THNSL1: variants seen among roughly 807,000 people sequenced by gnomAD.
THNSL1 encodes the protein threonine synthase-like 1.
In THNSL1, 48 loss-of-function variants were observed where a neutral mutation model predicts 50.4. The ratio of observed to expected loss-of-function variants is 0.95; its 90% CI spans 0.76 to 1.21. The LOEUF is 1.21. THNSL1 is among the 50% of genes most tolerant of loss of function. THNSL1 has a pLI of 0.00. For synonymous variants in THNSL1, 309 were observed against 306.1 expected (o/e 1.01, Z -0.10); for missense variants, 896 against 871.7 (o/e 1.03, Z -0.35).
chr10:25,007,073 A>AT, the THNSL1 span, among the ~76,000 whole-genome samples: 1 of 152,148 alleles, frequency 6.6e-6, no homozygotes, highest in Non-Finnish European at 1.5e-5. Flanking sequence ...CCTTTACTTG[A>AT]TTTTACCTGT....
At chr10:24,970,925 G>A in the THNSL1 span, among the ~76,000 whole-genome samples, 22 of 152,150 alleles carry the variant, frequency 1.4e-4, 1 homozygote, top group African/African-American at 5.3e-4. Context: ...TCAGGAGGCT[G>A]AGGCAGAAGA....
chr10:24,987,094 G>C, the THNSL1 span, among the ~76,000 whole-genome samples: 3 of 152,170 alleles, frequency 2.0e-5, no homozygotes, highest in Non-Finnish European at 4.4e-5. Flanking sequence ...GCCCTGGAGG[G>C]TGGAGAGTGA....
chr10:24,972,004 A>G, the THNSL1 span, among the ~76,000 whole-genome samples: 1 of 152,054 alleles, frequency 6.6e-6, no homozygotes, highest in Non-Finnish European at 1.5e-5. Flanking sequence ...CAGCCTGGCC[A>G]ACATGGTGAA....
the THNSL1 span, among the ~76,000 whole-genome samples, chr10:25,010,194 C>A: frequency 3.3e-5 from 5 of 152,236 alleles, 1 homozygote; most frequent in East Asian, 9.7e-4. Flanking sequence ...GAGGTGGTTT[C>A]AGACGGAGAT....
chr10:24,958,338 T>C, the THNSL1 span, among the ~76,000 whole-genome samples: 1 of 152,212 alleles, frequency 6.6e-6, no homozygotes, highest in Non-Finnish European at 1.5e-5. Context: ...ATGATGATGA[T>C]ATTTTGCTTT....
chr10:25,020,740 C>CAAA (rs36007062), intron 1 of THNSL1, among the ~76,000 whole-genome samples: 12 of 134,086 alleles, frequency 8.9e-5, no homozygotes, highest in Non-Finnish European at 1.9e-4. Flanking sequence ...GACCCTTTCT[C>CAAA]AAAAAAAAAA....
the THNSL1 span, among the ~76,000 whole-genome samples, chr10:24,967,185 CGT>C: frequency 9.9e-5 from 15 of 151,398 alleles, no homozygotes; most frequent in East Asian, 1.8e-3. Context: ...TGTGTGTGTG[CGT>C]GTGTGTGTGC....
chr10:25,003,648 G>T, the THNSL1 span, among the ~76,000 whole-genome samples: 18 of 152,296 alleles, frequency 1.2e-4, no homozygotes, highest in Admixed American at 3.9e-4. Context: ...TTATTACAAA[G>T]ATCTAGTGGT....
chr10:25,018,906 T>C (rs1392675240), intron 1 of THNSL1, among the ~76,000 whole-genome samples: 2 of 152,158 alleles, frequency 1.3e-5, no homozygotes, highest in Non-Finnish European at 1.5e-5. Context: ...GATAGTAATA[T>C]AAAGACTAAG....
Position 25,024,554 on chromosome 10 carries a change from T to C in THNSL1, c.1331T>C (p.Ile444Thr). Reference protein sequence around the residue: ...ESDFDFCQTAIKRIFNDSDFT... With the variant: ...ESDFDFCQTATKRIFNDSDFT... ...GATTTTGATTTTTGCCAGACAGCTA[T>C]AAAAAGAATTTTTAATGATTCTGAT... is the stretch of plus-strand genomic sequence containing the variant. The change falls in exon 3 of 3, where the codon ATA becomes ACA. Residue 444 changes from isoleucine (I) to threonine (T), a missense_variant. Ile to Thr is a moderately conservative substitution (Grantham distance 89, BLOSUM62 -1). Coordinates refer to ENST00000376356, the MANE Select transcript of THNSL1 (RefSeq NM_024838.5). The C allele has an allele frequency of 6.2e-7, 1 of 1,614,146 alleles. No homozygotes were observed. The highest frequency in any genetic ancestry group is 1.3e-5 in the African/African-American group (1 of 75,036).
chr10:24,984,803 C>A, the THNSL1 span: 4 of 1,613,570 alleles, frequency 2.5e-6, no homozygotes, highest in Admixed American at 1.7e-5. Context: ...TGTTTCATTT[C>A]TTCTTCCAGC....
the THNSL1 span, among the ~76,000 whole-genome samples, chr10:25,009,928 ACT>A: frequency 6.6e-6 from 1 of 151,784 alleles, no homozygotes; most frequent in Non-Finnish European, 1.5e-5. Context: ...TAAATTACCT[ACT>A]CTTGGGTATG....
the THNSL1 span, among the ~76,000 whole-genome samples, chr10:24,956,760 C>T: frequency 1.6e-4 from 24 of 152,276 alleles, no homozygotes; most frequent in Non-Finnish European, 3.4e-4. Flanking sequence ...TCCCCAACTA[C>T]CGGGCTGCAA....
At chr10:24,969,370 A>G in the THNSL1 span, among the ~76,000 whole-genome samples, 7 of 152,232 alleles carry the variant, frequency 4.6e-5, no homozygotes, top group Non-Finnish European at 5.9e-5. Context: ...CTGTATGTCC[A>G]TCACAGAACT....
At chr10:24,973,684 GAAGA>G in the THNSL1 span, among the ~76,000 whole-genome samples, 4 of 152,156 alleles carry the variant, frequency 2.6e-5, no homozygotes, top group African/African-American at 9.6e-5. Flanking sequence ...TATAAAATTC[GAAGA>G]GAGAAGGAAA....
chr10:24,980,549 G>T, the THNSL1 span, among the ~76,000 whole-genome samples: 1 of 151,830 alleles, frequency 6.6e-6, no homozygotes, highest in Non-Finnish European at 1.5e-5. Context: ...TAGCTGTTTT[G>T]TTCACTATTA....
intron 1 of THNSL1, among the ~76,000 whole-genome samples, chr10:25,018,813 A>G (rs1188759299): frequency 6.6e-6 from 1 of 152,194 alleles, no homozygotes; most frequent in Admixed American, 6.5e-5. Context: ...TGTGGATACT[A>G]AAGTTTTCAA....
At chr10:24,970,268 T>C in the THNSL1 span, among the ~76,000 whole-genome samples, 38 of 152,230 alleles carry the variant, frequency 2.5e-4, no homozygotes, top group African/African-American at 9.2e-4. Context: ...GGGTAATCAC[T>C]GTCATAAATT....
chr10:25,004,534 A>T, the THNSL1 span, among the ~76,000 whole-genome samples: 409 of 152,264 alleles, frequency 2.7e-3, 1 homozygote, highest in South Asian at 7.7e-3. Context: ...GCTTTTCTTC[A>T]TATGCTTGTT....
Sources: allele counts gnomAD v4.1 joint callset (sites outside exome capture counted in the v4.1 genomes callset), GRCh38; gene constraint gnomAD v4.1.1; transcripts MANE v1.5; gene names NCBI Gene and HGNC (gene_info 2026-07-23, HGNC 2026-07-21).